The following WAC variants were observed in gnomAD, a reference collection of about 807,000 sequenced individuals.
WAC encodes WW domain containing adaptor with coiled-coil, also known as WW domain-containing adapter protein with coiled-coil.
WAC carries 11 observed loss-of-function variants against 79.6 expected under a neutral mutation model. The ratio of observed to expected loss-of-function variants is 0.14; its 90% CI spans 0.09 to 0.23. The LOEUF is 0.23. Ranked by LOEUF, WAC falls within the 10% of genes least tolerant of loss-of-function variation. WAC has a pLI of 1.00. For missense variants in WAC, 728 were observed against 773.5 expected (o/e 0.94, Z 0.70); for synonymous variants, 304 against 276.9 (o/e 1.10, Z -0.97).
chr10:28,605,696 T>C (rs1027775369), intron 7 of WAC, among the ~76,000 whole-genome samples: 12 of 152,208 alleles, frequency 7.9e-5, no homozygotes, highest in African/African-American at 2.9e-4. Context: ...TTGCTTGGCT[T>C]GATGAGCAAC....
intron 3 of WAC, among the ~76,000 whole-genome samples, chr10:28,574,502 G>A (rs964466969): frequency 6.6e-6 from 1 of 151,954 alleles, no homozygotes; most frequent in Admixed American, 6.6e-5. Flanking sequence ...GACTGCAGTG[G>A]TGCAATCTCA....
At chr10:28,557,651 T>A (rs865838822) in intron 3 of WAC, among the ~76,000 whole-genome samples, 63 of 151,798 alleles carry the variant, frequency 4.2e-4, no homozygotes, top group African/African-American at 1.5e-3. Flanking sequence ...CCATCATTGT[T>A]CCACTGCACT....
At position 28,535,548 on chromosome 10, in the gene WAC, G is replaced by T. The variant is rs548550482; in HGVS notation, c.79-14G>T. 1.6e-5 allele frequency: 25 copies of T among 1,533,692 alleles called. No homozygotes were observed. The Admixed American group carries it at 3.0e-4, about 18-fold the overall frequency. On this transcript the variant is annotated splice_polypyrimidine_tract_variant and intron_variant, in intron 2 of 13. Coordinates refer to ENST00000354911, the MANE Select transcript of WAC (RefSeq NM_016628.5). Reference sequence around the variant, plus strand: ...ATTCTTTCTCTCTTTTTTTGGGGGGGTGATGTTTTACAGGCACTTAAGTAT... The same window carrying T: ...ATTCTTTCTCTCTTTTTTTGGGGGGTTGATGTTTTACAGGCACTTAAGTAT...
At chr10:28,566,081 A>G (rs966792090) in intron 3 of WAC, among the ~76,000 whole-genome samples, 37 of 152,218 alleles carry the variant, frequency 2.4e-4, no homozygotes, top group African/African-American at 8.9e-4. Flanking sequence ...TAGACGACGT[A>G]GGAGACTTGA....
intron 10 of WAC, among the ~76,000 whole-genome samples, chr10:28,613,192 C>A (rs1213796717): frequency 2.6e-5 from 4 of 152,166 alleles, no homozygotes; most frequent in African/African-American, 9.7e-5. Flanking sequence ...ACAGGCAAAA[C>A]CCGGTCTCTA....
chr10:28,590,311 C>CAA (rs34562281), intron 5 of WAC, among the ~76,000 whole-genome samples: 14 of 103,330 alleles, frequency 1.4e-4, no homozygotes, highest in Non-Finnish European at 1.7e-4. Flanking sequence ...GATGCTATCT[C>CAA]AAAAAAAAAA....
In WAC at chr10:28,605,983, T is replaced by C. The variant is rs937051578; in HGVS notation, c.920-2203T>C. Among the ~76,000 whole-genome samples, 3 of 152,148 alleles carry C rather than the reference T, an allele frequency of 2.0e-5. No individual in the cohort carries two copies. In the East Asian group the frequency reaches 5.8e-4, roughly 29 times the overall value. ...GAAAGAACCTTTAAGAGGGATGTGA[T>C]CTGGAGAATACTGCTAATATGCTCT... is the stretch of plus-strand genomic sequence containing the variant. On this transcript the variant is annotated intron_variant, in intron 7 of 13. Transcript: ENST00000354911.
intron 3 of WAC, among the ~76,000 whole-genome samples, chr10:28,547,668 T>G (rs967489428): frequency 6.6e-6 from 1 of 152,192 alleles, no homozygotes; most frequent in Non-Finnish European, 1.5e-5. Flanking sequence ...CATTTATCCT[T>G]TAATTTTTTT....
rs137886913 is a variant in WAC at position 28,576,767 on chromosome 10, C to A, written c.275-6632C>A. Among the ~76,000 whole-genome samples the A allele has an allele frequency of 9.1e-4, 139 of 152,270 alleles. 1 individual carries two copies. The highest frequency in any genetic ancestry group is 3.0e-3 in the African/African-American group (126 of 41,548). On this transcript the variant is annotated intron_variant, in intron 3 of 13. Transcript: ENST00000354911. ...CTTTCACTAAATATCAGCTCACCTT[C>A]ATGGAGAGCAATGCTGTCCAGTGAG... is the stretch of plus-strand genomic sequence containing the variant.
intron 3 of WAC, among the ~76,000 whole-genome samples, chr10:28,556,387 A>ATTTT (rs1837988827): frequency 3.3e-5 from 1 of 29,964 alleles, no homozygotes; most frequent in Non-Finnish European, 7.9e-5. Flanking sequence ...TTGCCCATTA[A>ATTTT]ATTTTTTTTT....
At chr10:28,585,018 A>G (rs1465242828) in intron 4 of WAC, among the ~76,000 whole-genome samples, 1 of 152,184 alleles carries the variant, frequency 6.6e-6, no homozygotes, top group African/African-American at 2.4e-5. Context: ...CAGTGAGCCA[A>G]GATCACCCCA....
At position 28,610,833 on chromosome 10, in the gene WAC, CATCTT is replaced by C; in HGVS notation, c.1288+14_1288+18del. The stretch of plus-strand genomic sequence containing the variant: ...GCTCTCTACACAAGGTATTCTTACT[CATCTT>C]AGATATCTCTAGAATGGCATCTTGA... On this transcript the variant is annotated intron_variant, in intron 9 of 13. Transcript: ENST00000354911. The C allele has an allele frequency of 1.3e-6, 2 of 1,587,544 alleles. No homozygotes were observed. Among genetic ancestry groups the C allele is most frequent in the South Asian group, 1.2e-5 (1 of 84,746 alleles).
At chr10:28,582,899 T>C (rs910581661) in intron 3 of WAC, among the ~76,000 whole-genome samples, 1 of 152,234 alleles carries the variant, frequency 6.6e-6, no homozygotes, top group African/African-American at 2.4e-5. Context: ...CTCTTTAACT[T>C]CTTGAAAAAA....
chr10:28,612,946 G>A (rs1274547469), intron 10 of WAC, among the ~76,000 whole-genome samples: 1 of 152,108 alleles, frequency 6.6e-6, no homozygotes, highest in African/African-American at 2.4e-5. Context: ...TGAAATAAGT[G>A]GTAGTATTGG....
intron 7 of WAC, among the ~76,000 whole-genome samples, chr10:28,599,816 G>A (rs1453927517): frequency 6.6e-6 from 1 of 152,108 alleles, no homozygotes; most frequent in Non-Finnish European, 1.5e-5. Context: ...AGGGAGTGAG[G>A]TGACCCCATT....
chr10:28,539,822 G>T (rs1293112520), intron 3 of WAC, among the ~76,000 whole-genome samples: 2 of 152,122 alleles, frequency 1.3e-5, no homozygotes, highest in Non-Finnish European at 2.9e-5. Context: ...GCCTCCCAAA[G>T]TGCTAGGATT....
At chr10:28,595,709 G>C (rs187174125) in intron 6 of WAC, 24 bp from the exon 7 acceptor site, 2 of 1,600,554 alleles carry the variant, frequency 1.2e-6, no homozygotes, top group African/African-American at 2.7e-5. Flanking sequence ...TCCAACATCT[G>C]TTTTTTCGAA....
chr10:28,544,802 G>T (rs756530043), intron 3 of WAC, among the ~76,000 whole-genome samples: 1 of 152,042 alleles, frequency 6.6e-6, no homozygotes, highest in East Asian at 1.9e-4. Context: ...GGTGGCTCAC[G>T]CCTGTAATGC....
chr10:28,553,263 A>AAT (rs1837795091), intron 3 of WAC, among the ~76,000 whole-genome samples: 1 of 151,858 alleles, frequency 6.6e-6, no homozygotes, highest in Non-Finnish European at 1.5e-5. Context: ...TTGTTTACAA[A>AAT]TTTTGTTTAT....
Sources: gnomAD v4.1 joint callset for allele counts (sites outside exome capture counted in the v4.1 genomes callset) on GRCh38, gnomAD v4.1.1 for gene constraint, MANE v1.5 for transcripts, NCBI Gene and HGNC (gene_info 2026-07-23, HGNC 2026-07-21) for gene names.